The following RFTN2 variants were observed in gnomAD, a reference collection of about 807,000 sequenced individuals.
RFTN2 encodes raftlin family member 2.
In RFTN2, 34 loss-of-function variants were observed where a neutral mutation model predicts 52.7. The observed-to-expected ratio is 0.64, with a 90% confidence interval of 0.49 to 0.86. The LOEUF is 0.86. RFTN2 is among the 40% of genes least tolerant of loss of function. RFTN2 has a pLI of 0.00. For missense variants in RFTN2, 536 were observed against 600.1 expected, an observed-to-expected ratio of 0.89 and a Z score of 1.12; for synonymous variants, 203 against 217.7, an observed-to-expected ratio of 0.93 and a Z score of 0.59.
At chr2:197,637,184 T>C (rs1483561543) in intron 3 of RFTN2, among the ~76,000 whole-genome samples, 18 of 151,576 alleles carry the variant, frequency 1.2e-4, no homozygotes, top group African/African-American at 4.4e-4. Flanking sequence ...TCATCAAGGA[T>C]ATTGGTCTAA....
At chr2:197,601,873 G>C (rs934974269) in intron 7 of RFTN2, among the ~76,000 whole-genome samples, 1 of 152,102 alleles carries the variant, frequency 6.6e-6, no homozygotes, top group Non-Finnish European at 1.5e-5. Context: ...CGGAAGAAGA[G>C]ACAGGAGCAA....
At chr2:197,624,204 A>G (rs2088314367) in intron 5 of RFTN2, among the ~76,000 whole-genome samples, 1 of 152,238 alleles carries the variant, frequency 6.6e-6, no homozygotes, top group South Asian at 2.1e-4. Flanking sequence ...TAGGCGATAA[A>G]GCAATTGGAG....
intron 7 of RFTN2, among the ~76,000 whole-genome samples, chr2:197,598,907 C>T (rs2087833240): frequency 6.6e-6 from 1 of 151,978 alleles, no homozygotes; most frequent in Admixed American, 6.6e-5. Context: ...ACAAAAAGGG[C>T]TTATTTTCTG....
At chr2:197,637,576 T>G (rs796790104) in intron 3 of RFTN2, among the ~76,000 whole-genome samples, 2 of 152,148 alleles carry the variant, frequency 1.3e-5, no homozygotes, top group Admixed American at 6.5e-5. Context: ...TCTGTGGGAT[T>G]GGTGGTGATA....
chr2:197,595,183 T>C (rs2087776584), intron 8 of RFTN2, among the ~76,000 whole-genome samples: 1 of 152,190 alleles, frequency 6.6e-6, no homozygotes, highest in African/African-American at 2.4e-5. Context: ...CTTGAGTAGA[T>C]AACATAAAAG....
At chr2:197,579,610 C>T (rs868095837) in intron 8 of RFTN2, among the ~76,000 whole-genome samples, 1 of 152,166 alleles carries the variant, frequency 6.6e-6, no homozygotes, top group Admixed American at 6.5e-5. Context: ...TTCTTTTACA[C>T]ATCGGTCCCT....
At chr2:197,587,575 C>T (rs1233054167) in intron 8 of RFTN2, among the ~76,000 whole-genome samples, 1 of 151,880 alleles carries the variant, frequency 6.6e-6, no homozygotes, top group Non-Finnish European at 1.5e-5. Context: ...TAATTTTCCA[C>T]TACCTACCCA....
chr2:197,618,570 C>T (rs1382142671), intron 5 of RFTN2, among the ~76,000 whole-genome samples: 40 of 151,918 alleles, frequency 2.6e-4, no homozygotes, highest in Non-Finnish European at 4.7e-4. Context: ...TGAGGAGCCC[C>T]TCTGCCTGGC....
chr2:197,573,948 C>T (rs1574670767), intron 8 of RFTN2, among the ~76,000 whole-genome samples: 2 of 152,232 alleles, frequency 1.3e-5, no homozygotes, highest in East Asian at 3.8e-4. Flanking sequence ...GTTTGGGAAC[C>T]TCTGCCTAGA....
At chr2:197,572,532 T>G (rs572415615) in intron 8 of RFTN2, among the ~76,000 whole-genome samples, 1 of 152,358 alleles carries the variant, frequency 6.6e-6, no homozygotes, top group South Asian at 2.1e-4. Flanking sequence ...TTGATGGGTA[T>G]GTTATGTACA....
At chr2:197,604,884 C>T (rs559518782) in intron 7 of RFTN2, among the ~76,000 whole-genome samples, 4 of 152,090 alleles carry the variant, frequency 2.6e-5, no homozygotes, top group Non-Finnish European at 5.9e-5. Context: ...CCTCAGCCTC[C>T]CAAGTAGGTG....
rs1360453437 is a variant in RFTN2, at chr2:197,570,516, CAA to C, written c.*1490_*1491del. 6.6e-6 allele frequency: 1 copy of C among 152,224 alleles called. No individual in the cohort carries two copies. Among genetic ancestry groups the C allele is most frequent in the Non-Finnish European group, 1.5e-5 (1 of 68,068 alleles). The allele number at this position is 152,224 out of a possible 1,614,324, so 9.4% of individuals were successfully genotyped here. ...GGACAAGGCAGGCAGATCATGAGGT[CAA>C]GAGATCGAGACCATCCTGGCCAACA... On this transcript the variant is annotated 3_prime_UTR_variant, in exon 9 of 9. Transcript: ENST00000295049.
At position 197,646,480 on chromosome 2, in the gene RFTN2, T is replaced by C. The variant is rs1559362871; in HGVS notation, c.323+3A>G. On this transcript the variant is annotated splice_donor_region_variant and intron_variant, in intron 2 of 8. Transcript: ENST00000295049. ...CTGCCTCTTTCTTGAATAGTGTGCT[T>C]ACCTTAATTTCAAGCGCAATAGCAC... 1.9e-6 allele frequency: 3 copies of C among 1,611,920 alleles called. No homozygotes were observed. The highest frequency in any genetic ancestry group is 2.2e-5 in the South Asian group (2 of 90,410).
chr2:197,613,996 C>A (rs1016148839), intron 7 of RFTN2, among the ~76,000 whole-genome samples: 2 of 152,242 alleles, frequency 1.3e-5, no homozygotes, highest in African/African-American at 4.8e-5. Context: ...ATGATCCCAT[C>A]CAACTTTGAC....
chr2:197,603,213 TAAAA>T (rs570043128), intron 7 of RFTN2, among the ~76,000 whole-genome samples: 6 of 152,096 alleles, frequency 3.9e-5, no homozygotes, highest in Non-Finnish European at 8.8e-5. Context: ...AGTATAATAA[TAAAA>T]AAAGTCTCAT....
At chr2:197,665,476 T>A (rs2089038490) in intron 1 of RFTN2, among the ~76,000 whole-genome samples, 1 of 150,518 alleles carries the variant, frequency 6.6e-6, no homozygotes, top group Admixed American at 6.7e-5. Context: ...AATTGTTATA[T>A]CCTCTTGCTG....
In RFTN2 at chr2:197,610,314, C is replaced by T. The variant is rs147083731; in HGVS notation, c.1154+5562G>A. Among the ~76,000 whole-genome samples, 1,477 of 151,824 alleles carry T rather than the reference C, an allele frequency of 9.7e-3. 14 individuals are homozygous for T. Among genetic ancestry groups the T allele is most frequent in the South Asian group, 0.025 (118 of 4,802 alleles). On this transcript the variant is annotated intron_variant, in intron 7 of 8. Transcript: ENST00000295049. ...CCTTGAGCAGTGATTTGTAGATCTCCTTGAAGAGGTCCTTCACATCCCTTG... is the reference window on the plus strand; with the variant it reads ...CCTTGAGCAGTGATTTGTAGATCTCTTTGAAGAGGTCCTTCACATCCCTTG...
In RFTN2 at chr2:197,675,419, T is replaced by C. The variant is rs1309489964; in HGVS notation, c.40A>G (p.Ser14Gly). The C allele has an allele frequency of 6.2e-7, 1 of 1,603,186 alleles. No individual in the cohort carries two copies. Among genetic ancestry groups the C allele is most frequent in the African/African-American group, 1.3e-5 (1 of 74,342 alleles). ...GLRKLEDPDD[S>G]SPGKIFSTLK... ...GTAGAAAATATTTTTCCAGGGCTGCTATCATCAGGGTCTTCTAGCTTTCTA... is the reference window on the plus strand; with the variant it reads ...GTAGAAAATATTTTTCCAGGGCTGCCATCATCAGGGTCTTCTAGCTTTCTA... Residue 14 changes from serine (S) to glycine (G), a missense_variant, in exon 1 of 9, where the codon AGC becomes GGC. Coordinates refer to ENST00000295049, the MANE Select transcript of RFTN2 (RefSeq NM_144629.3).
intron 1 of RFTN2, among the ~76,000 whole-genome samples, chr2:197,655,858 C>T (rs900661631): frequency 6.6e-6 from 1 of 151,946 alleles, no homozygotes; most frequent in Non-Finnish European, 1.5e-5. Flanking sequence ...TGTTTTGGGC[C>T]CACTGCTTTA....
Sources: gnomAD v4.1 joint callset for allele counts (sites outside exome capture counted in the v4.1 genomes callset) on GRCh38, gnomAD v4.1.1 for gene constraint, MANE v1.5 for transcripts, NCBI Gene and HGNC (gene_info 2026-07-23, HGNC 2026-07-21) for gene names.